Variants in SACS observed in about 807,000 individuals in gnomAD.
SACS encodes the protein sacsin.
A neutral mutation model predicts 348.0 loss-of-function variants in SACS; 197 were observed. The observed-to-expected ratio is 0.57, with a 90% CI of 0.50 to 0.64. SACS has a LOEUF of 0.64. SACS is among the 30% of genes least tolerant of loss of function. The pLI is 0.00. For missense variants in SACS, 4,999 were observed against 5,360.8 expected, an observed-to-expected ratio of 0.93 and a Z score of 2.11; for synonymous variants, 1,985 against 1,910.6, an observed-to-expected ratio of 1.04 and a Z score of -1.02.
rs1251642205 is a variant in SACS at position 23,331,756 on chromosome 13, G to C, written c.12120C>G (p.Ala4040=). 1 of 1,613,830 alleles carries C rather than the reference G, an allele frequency of 6.2e-7. No homozygotes were observed. Among genetic ancestry groups the C allele is most frequent in the South Asian group, 1.1e-5 (1 of 91,060 alleles). ...NEEKAIRLCK[A]LREGLKVSCF... is the part of the protein sequence containing the mutation. ...AGGATACTTTCAATCCTTCTCTTAG[G>C]GCTTTGCAAAGTCTTATGGCTTTTT... Residue 4040 remains alanine, a synonymous_variant, in exon 10 of 10, where the codon GCC becomes GCG. Coordinates refer to ENST00000382292, the MANE Select transcript of SACS (RefSeq NM_014363.6).
intron 9 of SACS, among the ~76,000 whole-genome samples, chr13:23,347,155 A>C (rs1040803399): frequency 1.3e-5 from 2 of 152,230 alleles, no homozygotes; most frequent in African/African-American, 2.4e-5. Context: ...ATAAGCTACC[A>C]GTGAGCTTTT....
At position 23,358,366 on chromosome 13, in the gene SACS, T is replaced by G; in HGVS notation, c.573A>C (p.Gly191=). Residue 191 remains glycine (G), a synonymous_variant, in exon 7 of 10, where the codon GGA becomes GGC. Coordinates refer to ENST00000382292, the MANE Select transcript of SACS (RefSeq NM_014363.6). ...KDDPLKVGRF[G]IGFNSVYHIT... The stretch of plus-strand genomic sequence containing the variant: ...TATGATAGACAGAATTAAACCCAAT[T>G]CCAAATCTTCCGACCTTCAGAGGAT... The G allele has an allele frequency of 6.2e-7, 1 of 1,614,142 alleles. No individual in the cohort carries two copies. The highest frequency in any genetic ancestry group is 8.5e-7 in the Non-Finnish European group (1 of 1,179,994).
chr13:23,329,484 C>T lies in SACS; in HGVS notation c.*652G>A, dbSNP rs1194797429. On this transcript the variant is annotated 3_prime_UTR_variant, in exon 10 of 10. Transcript: ENST00000382292. ...GTTGCTATCTTCATCAAACAGGAAG[C>T]CTGTAAACATAAGATGTTAAAAAAA... The T allele has an allele frequency of 3.9e-6, 3 of 762,410 alleles. No individual in the cohort carries two copies. The highest frequency in any genetic ancestry group is 7.3e-6 in the Non-Finnish European group (3 of 412,328). The allele number at this position is 762,410 out of a possible 1,614,324, so 47.2% of individuals were successfully genotyped here. A position where few individuals can be genotyped will look rare whatever the true frequency, so the allele number is the denominator to read the frequency against.
chr13:23,377,699 T>A (rs1286266295), intron 2 of SACS, among the ~76,000 whole-genome samples: 1 of 152,090 alleles, frequency 6.6e-6, no homozygotes, highest in African/African-American at 2.4e-5. Flanking sequence ...AGATTCAACC[T>A]CAGCCCCAGC....
chr13:23,416,825 G>A (rs1873709784), intron 1 of SACS, among the ~76,000 whole-genome samples: 1 of 151,800 alleles, frequency 6.6e-6, no homozygotes, highest in Non-Finnish European at 1.5e-5. Flanking sequence ...GCTTAGCAGT[G>A]ATAAGGATAT....
intron 2 of SACS, among the ~76,000 whole-genome samples, chr13:23,382,896 C>T (rs2137871904): frequency 6.6e-6 from 1 of 150,776 alleles, no homozygotes; most frequent in East Asian, 1.9e-4. Flanking sequence ...ATCTTCCCAC[C>T]TCAGTCTCCT....
In SACS at chr13:23,338,024, A is replaced by G; in HGVS notation, c.5852T>C (p.Leu1951Ser). Reference protein sequence around the residue: ...TYYAVWPDPDLVHDDFSVICQ... With the variant: ...TYYAVWPDPDSVHDDFSVICQ... ...AATTACAGAAAAATCATCATGAACT[A>G]AATCAGGATCGGGCCATACTGCATA... The change falls in exon 10 of 10, where the codon TTA becomes TCA. Residue 1951 changes from leucine to serine, a missense_variant. Coordinates refer to ENST00000382292, the MANE Select transcript of SACS (RefSeq NM_014363.6). The G allele has an allele frequency of 6.2e-7, 1 of 1,613,948 alleles. No individual in the cohort carries two copies. The highest frequency in any genetic ancestry group is 8.5e-7 in the Non-Finnish European group (1 of 1,179,958).
chr13:23,375,125 G>A lies in SACS; in HGVS notation c.165C>T (p.Gly55=), dbSNP rs1871664713. Residue 55 remains glycine (G), a synonymous_variant, in exon 3 of 10, where the codon GGC becomes GGT. Coordinates refer to ENST00000382292, the MANE Select transcript of SACS (RefSeq NM_014363.6). The stretch of plus-strand genomic sequence containing the variant: ...GCCCCCGGCCACCGCCTACCTCGCG[G>A]CCGCCGCGCCACAGCCGCTGCTCCG... ...PVSEQRLWRG[G]RELSDWIKIG... is the part of the protein sequence containing the mutation. The A allele has an allele frequency of 2.7e-6, 4 of 1,495,882 alleles. No homozygotes were observed. Among genetic ancestry groups the A allele is most frequent in the East Asian group, 5.9e-5 (2 of 33,690 alleles). 92.7% of individuals were successfully genotyped at this position (1,495,882 alleles called of 1,614,324 possible).
intron 3 of SACS, chr13:23,373,698 G>A (rs1038189500): frequency 1.2e-4 from 19 of 152,088 alleles, no homozygotes; most frequent in African/African-American, 4.6e-4. Flanking sequence ...TACTCGGGAG[G>A]CTGAGGCAGG....
Position 23,339,907 on chromosome 13 carries a change from T to C in SACS, c.3969A>G (p.Ser1323=). The C allele has an allele frequency of 6.2e-7, 1 of 1,614,112 alleles. No individual in the cohort carries two copies. Among genetic ancestry groups the C allele is most frequent in the Non-Finnish European group, 8.5e-7 (1 of 1,179,992 alleles). The part of the protein sequence containing the change: ...KFHQLFKVCG[S]IEELTSDHIS... ...TATGATCTGATGTCAACTCCTCTAT[T>C]GAACCACAGACCTTAAATAGTTGGT... Residue 1323 remains serine, a synonymous_variant, in exon 10 of 10, where the codon TCA becomes TCG. Coordinates refer to ENST00000382292, the MANE Select transcript of SACS (RefSeq NM_014363.6).
At position 23,333,656 on chromosome 13, in the gene SACS, A is replaced by G; in HGVS notation, c.10220T>C (p.Leu3407Pro). The change falls in exon 10 of 10, where the codon CTA (leucine) becomes CCA (proline). Residue 3407 changes from leucine to proline, a missense_variant. Leu to Pro is a moderately conservative substitution (Grantham distance 98). Transcript: ENST00000382292. ...HLMSQDDIKI[L>P]KSLPCYKSIS... ...GGATTTATAGCACGGAAGTGACTTT[A>G]GAATTTTTATATCATCTTGGGACAT... The G allele has an allele frequency of 6.2e-7, 1 of 1,613,858 alleles. No homozygotes were observed. Among genetic ancestry groups the G allele is most frequent in the Non-Finnish European group, 8.5e-7 (1 of 1,179,792 alleles).
At chr13:23,375,905 A>T (rs373345839) in intron 2 of SACS, among the ~76,000 whole-genome samples, 7 of 152,202 alleles carry the variant, frequency 4.6e-5, no homozygotes, top group African/African-American at 1.7e-4. Context: ...ATGCAGAACT[A>T]GGCATTTCTA....
chr13:23,407,336 C>T (rs926978563), intron 2 of SACS, among the ~76,000 whole-genome samples: 1 of 152,040 alleles, frequency 6.6e-6, no homozygotes, highest in Admixed American at 6.6e-5. Flanking sequence ...GTAGCTGGGA[C>T]TACAGGCGCC....
rs903463621 is a variant in SACS at position 23,331,104 on chromosome 13, C to A, written c.12772G>T (p.Ala4258Ser). 1.2e-6 allele frequency: 2 copies of A among 1,614,056 alleles called. No homozygotes were observed. The highest frequency in any genetic ancestry group is 2.7e-5 in the African/African-American group (2 of 75,016). ...PEESSQSRDSAPSTPTSPTEF... is the reference protein window; with the variant it reads ...PEESSQSRDSSPSTPTSPTEF... ...GTGGGGCTGGTTGGTGTAGAAGGAG[C>A]ACTGTCCCTGCTTTGAGAGCTTTCC... Residue 4258 changes from alanine (A) to serine (S), a missense_variant, in exon 10 of 10, where the codon GCT becomes TCT. Around this residue, in one of 6 missense-constraint regions of SACS, gnomAD observed 831 missense variants for 941.8 expected, o/e 0.88. Transcript: ENST00000382292.
intron 2 of SACS, among the ~76,000 whole-genome samples, chr13:23,402,820 G>A (rs925899522): frequency 4.6e-5 from 7 of 152,120 alleles, no homozygotes; most frequent in Non-Finnish European, 8.8e-5. Context: ...AAATATATAG[G>A]TATTGCAGAT....
At chr13:23,426,399 G>C (rs1273776707) in intron 1 of SACS, among the ~76,000 whole-genome samples, 1 of 152,152 alleles carries the variant, frequency 6.6e-6, no homozygotes, top group African/African-American at 2.4e-5. Context: ...CCAGCACTTT[G>C]GGAAGCCAAG....
intron 2 of SACS, among the ~76,000 whole-genome samples, chr13:23,394,029 G>T (rs1237282873): frequency 6.6e-6 from 1 of 152,182 alleles, no homozygotes; most frequent in Non-Finnish European, 1.5e-5. Flanking sequence ...CAAAGGGCTG[G>T]GATTACTGGC....
chr13:23,354,016 C>A, intron 8 of SACS, 140 bp from the exon 9 acceptor site: 1 of 656,254 alleles, frequency 1.5e-6, no homozygotes, highest in Non-Finnish European at 2.8e-6. Flanking sequence ...AATCAAATTA[C>A]AATATTTTTG....
At chr13:23,400,622 G>A (rs534477229) in intron 2 of SACS, among the ~76,000 whole-genome samples, 2 of 152,186 alleles carry the variant, frequency 1.3e-5, no homozygotes, top group South Asian at 2.1e-4. Flanking sequence ...CGGTTTCACC[G>A]TGTTAGCCAG....
Sources: allele counts gnomAD v4.1 joint callset (sites outside exome capture counted in the v4.1 genomes callset), GRCh38; gene constraint gnomAD v4.1.1; regional missense constraint gnomAD v4.1.1; transcripts MANE v1.5; gene names NCBI Gene and HGNC (gene_info 2026-07-23, HGNC 2026-07-21).